The following WWOX variants were observed in gnomAD, a reference collection of about 807,000 sequenced individuals.
WWOX encodes the protein WW domain-containing oxidoreductase.
In WWOX, 69 loss-of-function variants were observed where a neutral mutation model predicts 46.2. The ratio of observed to expected loss-of-function variants is 1.49; its 90% confidence interval spans 1.23 to 1.82. The LOEUF is 1.82. Among genes scored for constraint, WWOX ranks in the 40% most tolerant of loss-of-function variants. The probability of loss-of-function intolerance (pLI) is 0.00; values close to 1 mark genes in which losing one functional copy is unlikely to be tolerated. For synonymous variants in WWOX, 359 were observed against 202.6 expected, an observed-to-expected ratio of 1.77 and a Z score of -6.56; for missense variants, 919 against 542.6, an observed-to-expected ratio of 1.69 and a Z score of -6.89.
At chr16:78,205,974 T>C (rs1375829475) in intron 5 of WWOX, among the ~76,000 whole-genome samples, 2 of 151,714 alleles carry the variant, frequency 1.3e-5, no homozygotes, top group African/African-American at 4.8e-5. Flanking sequence ...CCTCCCTTTC[T>C]TTCCTCCCTC....
At chr16:79,066,629 A>G (rs1026846228) in intron 8 of WWOX, among the ~76,000 whole-genome samples, 1 of 152,216 alleles carries the variant, frequency 6.6e-6, no homozygotes, top group Non-Finnish European at 1.5e-5. Flanking sequence ...GAACTGAACA[A>G]TAGAGCCGGA....
chr16:78,353,428 A>C (rs995091420), intron 5 of WWOX, among the ~76,000 whole-genome samples: 4 of 152,188 alleles, frequency 2.6e-5, no homozygotes, highest in African/African-American at 9.7e-5. Flanking sequence ...ACAGTTCACC[A>C]AATCTATCGA....
chr16:78,979,471 G>T (rs750578904), intron 8 of WWOX, among the ~76,000 whole-genome samples: 24 of 152,098 alleles, frequency 1.6e-4, no homozygotes, highest in Admixed American at 5.2e-4. Context: ...CAGATATGGT[G>T]GCCACTGCAT....
At chr16:78,494,726 G>A (rs2084867998) in intron 8 of WWOX, among the ~76,000 whole-genome samples, 2 of 152,074 alleles carry the variant, frequency 1.3e-5, no homozygotes, top group African/African-American at 4.8e-5. Flanking sequence ...CTTGGTCATC[G>A]GTCCTTGAGT....
chr16:78,679,361 G>A (rs2047676375), intron 8 of WWOX, among the ~76,000 whole-genome samples: 2 of 152,064 alleles, frequency 1.3e-5, no homozygotes, highest in Admixed American at 1.3e-4. Context: ...GACCAGCTTG[G>A]CCATCACAGT....
chr16:78,749,505 T>C (rs1232775507), intron 8 of WWOX, among the ~76,000 whole-genome samples: 2 of 152,152 alleles, frequency 1.3e-5, no homozygotes, highest in African/African-American at 2.4e-5. Flanking sequence ...AAGCATTTAA[T>C]GTTTTGTTGT....
chr16:78,535,021 A>G (rs974283527), intron 8 of WWOX: 2 of 152,170 alleles, frequency 1.3e-5, no homozygotes, highest in African/African-American at 4.8e-5. Context: ...GTATTGCTTT[A>G]TATTTTAAGA....
chr16:79,011,279 A>G (rs1055576534), intron 8 of WWOX, among the ~76,000 whole-genome samples: 5 of 151,632 alleles, frequency 3.3e-5, no homozygotes, highest in Admixed American at 6.6e-5. Flanking sequence ...CAACCATTTC[A>G]CATCCACACT....
At chr16:78,646,553 T>C (rs898489321) in intron 8 of WWOX, among the ~76,000 whole-genome samples, 1 of 152,082 alleles carries the variant, frequency 6.6e-6, no homozygotes, top group Admixed American at 6.6e-5. Flanking sequence ...TCAGCCTCTC[T>C]GGTAGCTGGA....
At chr16:78,356,036 T>C (rs1299523364) in intron 5 of WWOX, among the ~76,000 whole-genome samples, 1 of 119,774 alleles carries the variant, frequency 8.3e-6, no homozygotes, top group Non-Finnish European at 1.7e-5. Context: ...TCTCAAGCTC[T>C]TCCAATAAAT....
intron 8 of WWOX, among the ~76,000 whole-genome samples, chr16:78,681,349 A>G (rs2047724539): frequency 6.6e-6 from 1 of 152,170 alleles, no homozygotes; most frequent in Admixed American, 6.5e-5. Context: ...GGCTGCAGTG[A>G]GCTATGATCT....
At chr16:78,547,865 C>T (rs1348210494) in intron 8 of WWOX, among the ~76,000 whole-genome samples, 1 of 152,028 alleles carries the variant, frequency 6.6e-6, no homozygotes, top group Non-Finnish European at 1.5e-5. Flanking sequence ...TAAATTTCAA[C>T]ATATGGCTGG....
At chr16:79,041,713 C>T (rs1395875281) in intron 8 of WWOX, among the ~76,000 whole-genome samples, 1 of 152,144 alleles carries the variant, frequency 6.6e-6, no homozygotes, top group East Asian at 1.9e-4. Flanking sequence ...CAGTTTGAAA[C>T]TGGCAAAACT....
chr16:78,776,433 C>A (rs2050192299), intron 8 of WWOX, among the ~76,000 whole-genome samples: 1 of 152,070 alleles, frequency 6.6e-6, no homozygotes, highest in Non-Finnish European at 1.5e-5. Flanking sequence ...GTTTTCTCAT[C>A]TGTAAAATGG....
intron 5 of WWOX, among the ~76,000 whole-genome samples, chr16:78,200,191 A>G (rs543478943): frequency 6.6e-6 from 1 of 152,206 alleles, no homozygotes; most frequent in East Asian, 1.9e-4. Context: ...CTGTTGCCTC[A>G]GCCGCTGACC....
At chr16:79,056,134 C>T (rs982029488) in intron 8 of WWOX, among the ~76,000 whole-genome samples, 5 of 151,444 alleles carry the variant, frequency 3.3e-5, no homozygotes. Context: ...CTTGTAAAAC[C>T]AGCCATCAGC....
At chr16:78,335,794 G>A (rs910375267) in intron 5 of WWOX, among the ~76,000 whole-genome samples, 5 of 152,178 alleles carry the variant, frequency 3.3e-5, no homozygotes, top group Admixed American at 6.5e-5. Flanking sequence ...CAAAACTTGC[G>A]TTTCTAAAAG....
chr16:79,005,409 G>A (rs138802261), intron 8 of WWOX, among the ~76,000 whole-genome samples: 6 of 152,282 alleles, frequency 3.9e-5, no homozygotes, highest in Admixed American at 1.3e-4. Context: ...TTTCTTAGGC[G>A]TGCCACGTAC....
intron 8 of WWOX, among the ~76,000 whole-genome samples, chr16:78,660,160 G>C (rs997751373): frequency 6.6e-6 from 1 of 152,126 alleles, no homozygotes; most frequent in Non-Finnish European, 1.5e-5. Context: ...TACTATTGTG[G>C]ACTGTGCTGC....
Sources: allele counts gnomAD v4.1 joint callset (sites outside exome capture counted in the v4.1 genomes callset), GRCh38; gene constraint gnomAD v4.1.1; transcripts MANE v1.5; gene names NCBI Gene and HGNC (gene_info 2026-07-23, HGNC 2026-07-21).